MTUS2: variants seen among roughly 807,000 people sequenced by gnomAD.
MTUS2 encodes microtubule associated scaffold protein 2.
A neutral mutation model predicts 114.1 loss-of-function variants in MTUS2; 40 were observed. That is an observed-to-expected ratio of 0.35 (90% CI 0.27 to 0.46). The LOEUF (loss-of-function observed/expected upper bound fraction) is 0.46. Among genes scored for constraint, MTUS2 ranks in the 20% least tolerant of loss-of-function variants. The pLI, the probability that MTUS2 is intolerant of heterozygous loss-of-function variation, is 1.00. For synonymous variants in MTUS2, 688 were observed against 672.0 expected (o/e 1.02, Z -0.37); for missense variants, 1,679 against 1,705.4 (o/e 0.98, Z 0.27).
chr13:29,444,483 T>C (rs1878133923), intron 9 of MTUS2, among the ~76,000 whole-genome samples: 1 of 152,230 alleles, frequency 6.6e-6, no homozygotes, highest in African/African-American at 2.4e-5. Flanking sequence ...ATCAGCTTTG[T>C]CTGTGTTCAC....
At chr13:29,404,254 G>A (rs1183385320) in intron 8 of MTUS2, among the ~76,000 whole-genome samples, 1 of 152,086 alleles carries the variant, frequency 6.6e-6, no homozygotes, top group East Asian at 1.9e-4. Flanking sequence ...GGGAGGCTGA[G>A]GTGGGAGGAT....
intron 9 of MTUS2, among the ~76,000 whole-genome samples, chr13:29,460,046 A>G (rs149749418): frequency 3.7e-4 from 56 of 152,332 alleles, no homozygotes; most frequent in Middle Eastern, 3.4e-3. Context: ...CAAAGCTGCC[A>G]TTTACTGAAT....
chr13:29,479,422 G>T (rs1352764024), intron 9 of MTUS2, among the ~76,000 whole-genome samples: 2 of 152,206 alleles, frequency 1.3e-5, no homozygotes, highest in African/African-American at 4.8e-5. Flanking sequence ...CTTGGAGAGT[G>T]AGCTCAGGCA....
chr13:29,227,113 G>A (rs963430475), intron 5 of MTUS2, among the ~76,000 whole-genome samples: 8 of 152,016 alleles, frequency 5.3e-5, no homozygotes, highest in African/African-American at 1.9e-4. Flanking sequence ...CAAAAAATTA[G>A]CTGGGTGTGG....
At chr13:29,453,386 A>G (rs1188038359) in intron 9 of MTUS2, among the ~76,000 whole-genome samples, 1 of 152,182 alleles carries the variant, frequency 6.6e-6, no homozygotes, top group East Asian at 1.9e-4. Context: ...CAACTGCTTC[A>G]TTTTATAAAC....
intron 6 of MTUS2, among the ~76,000 whole-genome samples, chr13:29,299,194 A>C (rs1012373478): frequency 6.6e-6 from 1 of 152,208 alleles, no homozygotes; most frequent in Admixed American, 6.5e-5. Flanking sequence ...TGTCTACTTC[A>C]TCATTTGGAG....
chr13:29,107,799 A>G (rs1890730614), intron 5 of MTUS2, among the ~76,000 whole-genome samples: 1 of 152,194 alleles, frequency 6.6e-6, no homozygotes, highest in African/African-American at 2.4e-5. Context: ...GAGGTTAGAT[A>G]TTCTCATTAA....
intron 8 of MTUS2, among the ~76,000 whole-genome samples, chr13:29,401,430 G>C (rs1874335171): frequency 1.3e-5 from 2 of 152,018 alleles, no homozygotes; most frequent in African/African-American, 2.4e-5. Flanking sequence ...TTCATACTTA[G>C]GTCCTCCCAA....
rs199652039 is a variant in MTUS2, at chr13:29,389,417, G to GTA, written c.3117+29945_3117+29946insAT. ...TGTGTATATATGTATACACGTGTGT[G>GTA]TGTATGTATACACGTGTGTGTATGT... On this transcript the variant is annotated intron_variant, in intron 8 of 15. Transcript: ENST00000612955. Among the ~76,000 whole-genome samples the GTA allele has an allele frequency of 3.7e-3, 358 of 97,898 alleles. 53 individuals carry two copies. The highest frequency in any genetic ancestry group is 0.012 in the African/African-American group (234 of 19,328). The allele number at this position is 97,898 out of a possible 152,430, so 64.2% of individuals were successfully genotyped here. A position where few individuals can be genotyped will look rare whatever the true frequency, so the allele number is the denominator to read the frequency against.
chr13:29,298,040 G>C (rs1899026416), intron 6 of MTUS2, among the ~76,000 whole-genome samples: 1 of 152,156 alleles, frequency 6.6e-6, no homozygotes, highest in South Asian at 2.1e-4. Flanking sequence ...TCAGTGCATT[G>C]ATCCATATAA....
chr13:28,842,328 G>A (rs1875567392), intron 2 of MTUS2, among the ~76,000 whole-genome samples: 1 of 152,022 alleles, frequency 6.6e-6, no homozygotes, highest in South Asian at 2.1e-4. Flanking sequence ...TCTACTTTGT[G>A]GACATTATCC....
At chr13:28,985,659 A>G (rs1447717874) in intron 2 of MTUS2, among the ~76,000 whole-genome samples, 1 of 150,042 alleles carries the variant, frequency 6.7e-6, no homozygotes. Context: ...GGTTAATTTT[A>G]TGTGTCAGCT....
chr13:29,066,702 C>T (rs897663137), intron 4 of MTUS2, among the ~76,000 whole-genome samples: 9 of 152,194 alleles, frequency 5.9e-5, no homozygotes, highest in African/African-American at 2.2e-4. Flanking sequence ...CTATTATGGG[C>T]CAGATGCTGG....
intron 2 of MTUS2, among the ~76,000 whole-genome samples, chr13:28,897,614 G>C (rs1239292856): frequency 6.6e-6 from 1 of 152,134 alleles, no homozygotes; most frequent in African/African-American, 2.4e-5. Context: ...TATGTTTACT[G>C]TGGCACTATT....
At position 28,979,750 on chromosome 13, in the gene MTUS2, T is replaced by G. The variant is rs560076062; in HGVS notation, c.-242-44707T>G. On this transcript the variant is annotated intron_variant, in intron 2 of 15. Transcript: ENST00000612955. ...CTGATGAGAGTCTGAGTTTAGTGCCTCAGAAGATGCCCAGTTTCCCAGAAT... is the reference window on the plus strand; with the variant it reads ...CTGATGAGAGTCTGAGTTTAGTGCCGCAGAAGATGCCCAGTTTCCCAGAAT... Among the ~76,000 whole-genome samples, 7 of 152,298 alleles carry G rather than the reference T, an allele frequency of 4.6e-5. No homozygotes were observed. The South Asian group carries it at 1.4e-3, about 32-fold the overall frequency.
At chr13:28,985,789 C>G (rs1432252162) in intron 2 of MTUS2, among the ~76,000 whole-genome samples, 1 of 152,106 alleles carries the variant, frequency 6.6e-6, no homozygotes, top group Non-Finnish European at 1.5e-5. Context: ...GATTGATCCT[C>G]CATGATGTGG....
At chr13:28,947,971 G>A (rs1462055259) in intron 2 of MTUS2, among the ~76,000 whole-genome samples, 1 of 152,154 alleles carries the variant, frequency 6.6e-6, no homozygotes, top group African/African-American at 2.4e-5. Context: ...TTGGTTTTAA[G>A]TATGTTGTTT....
intron 5 of MTUS2, among the ~76,000 whole-genome samples, chr13:29,263,689 G>T (rs1897560351): frequency 6.6e-6 from 1 of 152,054 alleles, no homozygotes; most frequent in Non-Finnish European, 1.5e-5. Context: ...AGGGGTAGGG[G>T]TAGGTGCCAC....
intron 8 of MTUS2, among the ~76,000 whole-genome samples, chr13:29,375,116 G>A (rs971849877): frequency 6.6e-5 from 10 of 152,058 alleles, no homozygotes; most frequent in South Asian, 2.1e-4. Flanking sequence ...AAAAGTAATC[G>A]TGGTTTTTGC....
Sources: gnomAD v4.1 joint callset for allele counts (sites outside exome capture counted in the v4.1 genomes callset) on GRCh38, gnomAD v4.1.1 for gene constraint, MANE v1.5 for transcripts, NCBI Gene and HGNC (gene_info 2026-07-23, HGNC 2026-07-21) for gene names.